Variants in ZNF292 observed in about 807,000 individuals in gnomAD.
ZNF292 encodes 16 zinc-finger domain protein.
ZNF292 carries 26 observed loss-of-function variants against 217.9 expected under a neutral mutation model. The ratio of observed to expected loss-of-function variants is 0.12; its 90% CI spans 0.09 to 0.17. The LOEUF (loss-of-function observed/expected upper bound fraction) is 0.17. Among genes scored for constraint, ZNF292 ranks in the 10% least tolerant of loss-of-function variants. ZNF292 has a pLI of 1.00. For missense variants in ZNF292, 2,904 were observed against 3,175.2 expected (o/e 0.91, Z 2.05); for synonymous variants, 1,257 against 1,124.1 (o/e 1.12, Z -2.37).
chr6:87,198,563 T>C (rs566748034), intron 1 of ZNF292, among the ~76,000 whole-genome samples: 1 of 152,346 alleles, frequency 6.6e-6, no homozygotes, highest in East Asian at 1.9e-4. Flanking sequence ...TTAGAACTGC[T>C]TTGTAGTTGG....
At chr6:87,176,927 A>C (rs1771317184) in intron 1 of ZNF292, among the ~76,000 whole-genome samples, 1 of 152,042 alleles carries the variant, frequency 6.6e-6, no homozygotes, top group African/African-American at 2.4e-5. Flanking sequence ...CTAAAATGGA[A>C]CTCATCCAGT....
At chr6:87,240,423 A>G (rs925105471) in intron 5 of ZNF292, among the ~76,000 whole-genome samples, 2 of 151,718 alleles carry the variant, frequency 1.3e-5, no homozygotes, top group African/African-American at 2.4e-5. Flanking sequence ...CTGTTTTTTA[A>G]TTTTTTATTT....
At chr6:87,214,127 G>A (rs189850547) in intron 1 of ZNF292, among the ~76,000 whole-genome samples, 5 of 152,254 alleles carry the variant, frequency 3.3e-5, no homozygotes, top group Non-Finnish European at 7.4e-5. Flanking sequence ...CAAATAAAAG[G>A]CTTTAATTTC....
At chr6:87,190,592 G>T (rs906510226) in intron 1 of ZNF292, among the ~76,000 whole-genome samples, 22 of 152,192 alleles carry the variant, frequency 1.4e-4, no homozygotes, top group South Asian at 4.1e-4. Context: ...TCCTGCCTCA[G>T]CCTCTTGCGT....
chr6:87,172,839 C>A (rs975183419), intron 1 of ZNF292, among the ~76,000 whole-genome samples: 8 of 150,738 alleles, frequency 5.3e-5, no homozygotes, highest in Middle Eastern at 3.2e-3. Context: ...CCTGGGAAGT[C>A]GAGGTTGCAG....
Position 87,257,899 on chromosome 6 carries a change from A to G in ZNF292, c.4270A>G (p.Ser1424Gly). ...TAATGGACAGCCTTCTCTTCTTGCC[A>G]GCATGATTCTCTCCACAAATGCAGT... The part of the protein sequence containing the change: ...QSNGQPSLLA[S>G]MILSTNAVNL... Residue 1424 changes from serine (S) to glycine (G), a missense_variant, in exon 8 of 8, where the codon AGC becomes GGC. Ser to Gly is a moderately conservative substitution (Grantham distance 56). This residue lies in a region of ZNF292 where 622 missense variants were observed against 573.1 expected (regional missense o/e 1.09). Coordinates refer to ENST00000369577, the MANE Select transcript of ZNF292 (RefSeq NM_015021.3). 1.9e-6 allele frequency: 3 copies of G among 1,613,930 alleles called. No individual in the cohort carries two copies. Among genetic ancestry groups the G allele is most frequent in the East Asian group, 2.2e-5 (1 of 44,880 alleles).
At chr6:87,177,129 A>T (rs994863103) in intron 1 of ZNF292, among the ~76,000 whole-genome samples, 1 of 152,120 alleles carries the variant, frequency 6.6e-6, no homozygotes, top group Non-Finnish European at 1.5e-5. Flanking sequence ...GGAGTTCAAG[A>T]CCAGCTTGGC....
chr6:87,156,022 T>G (rs1310153870), intron 1 of ZNF292, among the ~76,000 whole-genome samples: 13 of 152,254 alleles, frequency 8.5e-5, no homozygotes, highest in Admixed American at 8.5e-4. Context: ...AACTCGGGAC[T>G]GCGCGGTCCC....
At chr6:87,235,265 T>C (rs1326920543) in intron 5 of ZNF292, among the ~76,000 whole-genome samples, 1 of 152,140 alleles carries the variant, frequency 6.6e-6, no homozygotes, top group Non-Finnish European at 1.5e-5. Context: ...AAATCATTAG[T>C]TATTGTGCTG....
At chr6:87,167,212 T>C (rs1282087137) in intron 1 of ZNF292, among the ~76,000 whole-genome samples, 2 of 152,258 alleles carry the variant, frequency 1.3e-5, no homozygotes, top group Non-Finnish European at 2.9e-5. Context: ...TGGCAGACAC[T>C]GTACTATTGG....
intron 1 of ZNF292, among the ~76,000 whole-genome samples, chr6:87,181,883 C>T (rs2127778555): frequency 6.6e-6 from 1 of 152,190 alleles, no homozygotes; most frequent in South Asian, 2.1e-4. Context: ...GGGGTTTCGC[C>T]ATGTTGGCCC....
At chr6:87,229,014 T>C (rs1025329601) in intron 4 of ZNF292, among the ~76,000 whole-genome samples, 6 of 152,252 alleles carry the variant, frequency 3.9e-5, no homozygotes, top group African/African-American at 1.2e-4. Flanking sequence ...CTAGTATGGA[T>C]ATCTTAATAA....
chr6:87,261,597 T>A lies in ZNF292; in HGVS notation c.7968T>A (p.Asn2656Lys). Residue 2656 changes from asparagine to lysine, a missense_variant, in exon 8 of 8, where the codon AAT becomes AAA. This residue lies in a region of ZNF292 where 380 missense variants were observed against 355.3 expected (regional missense o/e 1.07). Transcript: ENST00000369577. ...KESETFVQFA[N>K]PSQLQCSDNV... ...GCGAAACGTTTGTACAGTTTGCCAATCCATCACAGCTTCAGTGCAGTGATA... is the reference window on the plus strand; with the variant it reads ...GCGAAACGTTTGTACAGTTTGCCAAACCATCACAGCTTCAGTGCAGTGATA... The A allele has an allele frequency of 2.5e-6, 4 of 1,611,136 alleles. No homozygotes were observed. The highest frequency in any genetic ancestry group is 3.4e-6 in the Non-Finnish European group (4 of 1,178,380).
At chr6:87,206,212 G>A (rs1772248392) in intron 1 of ZNF292, among the ~76,000 whole-genome samples, 1 of 152,110 alleles carries the variant, frequency 6.6e-6, no homozygotes. Context: ...CTCTTGGTCA[G>A]AACAGGTCAC....
intron 1 of ZNF292, among the ~76,000 whole-genome samples, chr6:87,185,706 C>T (rs910625912): frequency 2.0e-5 from 3 of 152,092 alleles, no homozygotes; most frequent in South Asian, 2.1e-4. Context: ...TGAGCTCAAG[C>T]GATCTACCCA....
chr6:87,172,026 A>G (rs190009746), intron 1 of ZNF292, among the ~76,000 whole-genome samples: 1 of 152,360 alleles, frequency 6.6e-6, no homozygotes, highest in African/African-American at 2.4e-5. Context: ...GTTTGCAAAT[A>G]CTAACAAAGG....
At chr6:87,236,413 A>G (rs920373548) in intron 5 of ZNF292, among the ~76,000 whole-genome samples, 4 of 149,060 alleles carry the variant, frequency 2.7e-5, no homozygotes, top group Non-Finnish European at 4.5e-5. Flanking sequence ...TTTAAAAAAG[A>G]AAAGAAATAG....
chr6:87,252,890 C>G (rs981044836), intron 7 of ZNF292, among the ~76,000 whole-genome samples: 2 of 151,870 alleles, frequency 1.3e-5, no homozygotes, highest in Non-Finnish European at 2.9e-5. Flanking sequence ...TTTTCATCTT[C>G]CCTGTCATTT....
chr6:87,183,219 G>T (rs1020899597), intron 1 of ZNF292, among the ~76,000 whole-genome samples: 4 of 152,104 alleles, frequency 2.6e-5, no homozygotes, highest in Admixed American at 6.5e-5. Context: ...AAGTACTAGA[G>T]GAAGTTTATA....
Sources: allele counts gnomAD v4.1 joint callset (sites outside exome capture counted in the v4.1 genomes callset), GRCh38; gene constraint gnomAD v4.1.1; regional missense constraint gnomAD v4.1.1; transcripts MANE v1.5; gene names NCBI Gene and HGNC (gene_info 2026-07-23, HGNC 2026-07-21).